KIRREL3: variants seen among roughly 807,000 people sequenced by gnomAD.
The protein encoded by KIRREL3 is kirre like nephrin family adhesion molecule 3.
KIRREL3 carries 36 observed loss-of-function variants against 89.7 expected under a neutral mutation model. The ratio of observed to expected loss-of-function variants is 0.40; its 90% CI spans 0.31 to 0.53. KIRREL3 has a LOEUF of 0.53. Among genes scored for constraint, KIRREL3 ranks in the 20% least tolerant of loss-of-function variants. KIRREL3 has a pLI of 0.49. For synonymous variants in KIRREL3, 445 were observed against 441.4 expected (o/e 1.01, Z -0.10); for missense variants, 864 against 1,056.6 (o/e 0.82, Z 2.53).
Position 126,562,999 on chromosome 11 carries a change from G to T in KIRREL3, c.56-87C>A. On this transcript the variant is annotated intron_variant, in intron 1 of 16. Transcript: ENST00000525144. The surrounding 1 kb of genome is among the most constrained non-coding windows in gnomAD (Gnocchi z 4.7). ...CCCTCTGCAGGGGGCTGTGGAGCTTGTTGCTCTTATAAACAGAGGTGCTTT... is the reference window on the plus strand; with the variant it reads ...CCCTCTGCAGGGGGCTGTGGAGCTTTTTGCTCTTATAAACAGAGGTGCTTT... The T allele has an allele frequency of 1.1e-6, 1 of 881,036 alleles. No individual in the cohort carries two copies. Among genetic ancestry groups the T allele is most frequent in the Non-Finnish European group, 1.8e-6 (1 of 554,726 alleles). 54.6% of individuals were successfully genotyped at this position (881,036 alleles called of 1,614,324 possible).
In KIRREL3 at chr11:126,627,775, G is replaced by T. The variant is rs1943855201; in HGVS notation, c.56-64863C>A. On this transcript the variant is annotated intron_variant, in intron 1 of 16. Transcript: ENST00000525144. The surrounding 1 kb of genome is among the most constrained non-coding windows in gnomAD (Gnocchi z 5.0). ...ATGGGGGGTGTTGGCAGGATTAGAGGGATGTCAGATGCTCAGAGAGAACTC... is the reference window on the plus strand; with the variant it reads ...ATGGGGGGTGTTGGCAGGATTAGAGTGATGTCAGATGCTCAGAGAGAACTC... Among the ~76,000 whole-genome samples the T allele has an allele frequency of 6.6e-6, 1 of 152,160 alleles. No individual in the cohort carries two copies. Among genetic ancestry groups the T allele is most frequent in the African/African-American group, 2.4e-5 (1 of 41,432 alleles).
At chr11:126,493,426 C>T (rs937960238) in intron 4 of KIRREL3, among the ~76,000 whole-genome samples, 4 of 151,944 alleles carry the variant, frequency 2.6e-5, no homozygotes, top group Non-Finnish European at 2.9e-5. Flanking sequence ...GAGGCTGAGG[C>T]GGATGGATCA....
chr11:126,564,355 C>G lies in KIRREL3; in HGVS notation c.56-1443G>C, dbSNP rs1450485764. On this transcript the variant is annotated intron_variant, in intron 1 of 16. Coordinates refer to ENST00000525144, the MANE Select transcript of KIRREL3 (RefSeq NM_032531.4). The surrounding 1 kb of genome is among the most constrained non-coding windows in gnomAD (Gnocchi z 7.4). ...AAGAGAGTGCAGGGCCCATGAGACA[C>G]AGATAAGTCAAGCTCAGGGGCTCTT... Among the ~76,000 whole-genome samples, 1 of 152,184 alleles carries G rather than the reference C, an allele frequency of 6.6e-6. No individual in the cohort carries two copies. Among genetic ancestry groups the G allele is most frequent in the Non-Finnish European group, 1.5e-5 (1 of 68,038 alleles).
At chr11:126,929,744 A>C (rs1565431840) in intron 1 of KIRREL3, among the ~76,000 whole-genome samples, 1 of 152,228 alleles carries the variant, frequency 6.6e-6, no homozygotes, top group Non-Finnish European at 1.5e-5. Flanking sequence ...TGGAGAATCT[A>C]TTCATGGCTT....
At chr11:126,733,590 A>G (rs1212486875) in intron 1 of KIRREL3, among the ~76,000 whole-genome samples, 1 of 152,230 alleles carries the variant, frequency 6.6e-6, no homozygotes, top group African/African-American at 2.4e-5. Flanking sequence ...CTTGAAACAC[A>G]TTTATACAAG....
At position 126,814,490 on chromosome 11, in the gene KIRREL3, T is replaced by G. The variant is rs1273288448; in HGVS notation, c.55+185965A>C. Among the ~76,000 whole-genome samples, 1 of 152,204 alleles carries G rather than the reference T, an allele frequency of 6.6e-6. No individual in the cohort carries two copies. Among genetic ancestry groups the G allele is most frequent in the African/African-American group, 2.4e-5 (1 of 41,438 alleles). On this transcript the variant is annotated intron_variant, in intron 1 of 16. Transcript: ENST00000525144. The surrounding 1 kb of genome is among the most constrained non-coding windows in gnomAD (Gnocchi z 4.4). ...CTACATATGTTCATTGCAGCATTAT[T>G]CACAATAGCAAAGACATGGAATCTA...
rs939926484 is a variant in KIRREL3, at chr11:126,645,314, G to A, written c.56-82402C>T. ...TTATGAAGACCTCCAGCGTCTTCAT[G>A]TGTGGTCCTCAAATCCTGAATACTT... On this transcript the variant is annotated intron_variant, in intron 1 of 16. Transcript: ENST00000525144. The surrounding 1 kb of genome is among the most constrained non-coding windows in gnomAD (Gnocchi z 4.9). Among the ~76,000 whole-genome samples the A allele has an allele frequency of 6.6e-6, 1 of 152,162 alleles. No individual in the cohort carries two copies. The highest frequency in any genetic ancestry group is 2.4e-5 in the African/African-American group (1 of 41,434).
chr11:126,604,684 G>A (rs1329975106), intron 1 of KIRREL3, among the ~76,000 whole-genome samples: 1 of 152,198 alleles, frequency 6.6e-6, no homozygotes, highest in Non-Finnish European at 1.5e-5. Flanking sequence ...GAGCCATGGT[G>A]CACACAGCAG....
At chr11:126,803,141 G>C (rs1273929847) in intron 1 of KIRREL3, among the ~76,000 whole-genome samples, 2 of 152,208 alleles carry the variant, frequency 1.3e-5, no homozygotes, top group African/African-American at 4.8e-5. Context: ...GAGGGGTCCA[G>C]CCCTAACTGA....
rs1245617809 is a variant in KIRREL3 at position 126,570,793 on chromosome 11, C to T, written c.56-7881G>A. 6.6e-6 allele frequency among the ~76,000 whole-genome samples: 1 copy of T among 152,208 alleles called. No homozygotes were observed. Among genetic ancestry groups the T allele is most frequent in the Non-Finnish European group, 1.5e-5 (1 of 68,038 alleles). ...CTGCTATGTCTCAGATCCTGTGTGC[C>T]TGCAGGAAATCTACATGCCCATGTG... On this transcript the variant is annotated intron_variant, in intron 1 of 16. Coordinates refer to ENST00000525144, the MANE Select transcript of KIRREL3 (RefSeq NM_032531.4). The surrounding 1 kb of genome is among the most constrained non-coding windows in gnomAD (Gnocchi z 6.1).
chr11:126,815,223 C>T (rs143942204), intron 1 of KIRREL3, among the ~76,000 whole-genome samples: 21 of 152,256 alleles, frequency 1.4e-4, no homozygotes, highest in African/African-American at 5.1e-4. Flanking sequence ...CTTTAGCACA[C>T]GATATTTCTG....
Position 126,639,941 on chromosome 11 carries a change from AT to A in KIRREL3, c.56-77030del, listed in dbSNP as rs1302335108. Among the ~76,000 whole-genome samples, 1 of 152,228 alleles carries A rather than the reference AT, an allele frequency of 6.6e-6. No homozygotes were observed. The highest frequency in any genetic ancestry group is 2.4e-5 in the African/African-American group (1 of 41,460). On this transcript the variant is annotated intron_variant, in intron 1 of 16. Transcript: ENST00000525144. The surrounding 1 kb of genome is among the most constrained non-coding windows in gnomAD (Gnocchi z 4.3). ...CTTAATTGGGAACACTTTAATATAG[AT>A]ATCCATTAACTTATGCTAAATTACA...
chr11:126,732,681 G>C (rs1948668122), intron 1 of KIRREL3, among the ~76,000 whole-genome samples: 1 of 152,208 alleles, frequency 6.6e-6, no homozygotes, highest in African/African-American at 2.4e-5. Context: ...TCTCTGGGTT[G>C]GTGGCCATCT....
At position 126,431,909 on chromosome 11, in the gene KIRREL3, C is replaced by T. The variant is rs1955148714; in HGVS notation, c.1589-383G>A. Among the ~76,000 whole-genome samples the T allele has an allele frequency of 6.6e-6, 1 of 152,160 alleles. No individual in the cohort carries two copies. Among genetic ancestry groups the T allele is most frequent in the Admixed American group, 6.5e-5 (1 of 15,276 alleles). On this transcript the variant is annotated intron_variant, in intron 13 of 16. Transcript: ENST00000525144. This position sits in a 1 kb window ranked among gnomAD's most constrained non-coding sequence, Gnocchi z 7.1. ...ACAGGAATGCTCTATCACACAGCGG[C>T]CAGTGAGTCATAGGCCCTGGCTTTT... is the stretch of plus-strand genomic sequence containing the variant.
chr11:126,603,699 C>A (rs1056257933), intron 1 of KIRREL3, among the ~76,000 whole-genome samples: 1 of 152,246 alleles, frequency 6.6e-6, no homozygotes, highest in Non-Finnish European at 1.5e-5. Flanking sequence ...TTTCTCTGGG[C>A]CCTGCCTGGT....
chr11:126,425,130 A>C, intron 16 of KIRREL3, 107 bp from the exon 17 acceptor site: 2 of 1,117,516 alleles, frequency 1.8e-6, no homozygotes, highest in Non-Finnish European at 2.5e-6. Flanking sequence ...GAAGAGGGAA[A>C]ACAGGAGGAA....
chr11:126,725,774 G>T (rs954282094), intron 1 of KIRREL3, among the ~76,000 whole-genome samples: 1 of 152,308 alleles, frequency 6.6e-6, no homozygotes, highest in Middle Eastern at 3.4e-3. Flanking sequence ...ACAAAGGCAG[G>T]GCCAGGGACT....
At chr11:126,701,457 C>T (rs77603279) in intron 1 of KIRREL3, among the ~76,000 whole-genome samples, 10,808 of 151,966 alleles carry the variant, frequency 0.071, 476 homozygotes, top group Middle Eastern at 0.16. Context: ...AGAAATGCTC[C>T]GAATCAATAG....
Position 126,783,986 on chromosome 11 carries a change from G to A in KIRREL3, c.55+216469C>T, listed in dbSNP as rs1028401927. Among the ~76,000 whole-genome samples the A allele has an allele frequency of 6.6e-6, 1 of 152,186 alleles. No homozygotes were observed. Among genetic ancestry groups the A allele is most frequent in the Non-Finnish European group, 1.5e-5 (1 of 68,038 alleles). The stretch of plus-strand genomic sequence containing the variant: ...TGTGGTCTTCCCCCTCGACCTCAGT[G>A]TAATCTTGAAAAGAGCATCAAACAA... On this transcript the variant is annotated intron_variant, in intron 1 of 16. Transcript: ENST00000525144. This position sits in a 1 kb window ranked among gnomAD's most constrained non-coding sequence, Gnocchi z 4.3.
Sources: allele counts gnomAD v4.1 joint callset (sites outside exome capture counted in the v4.1 genomes callset), GRCh38; gene constraint gnomAD v4.1.1; non-coding constraint Gnocchi (gnomAD v3.1); transcripts MANE v1.5; gene names NCBI Gene and HGNC (gene_info 2026-07-23, HGNC 2026-07-21).